The following MAP4 variants were observed in gnomAD, a reference collection of about 807,000 sequenced individuals.
MAP4 encodes microtubule-associated protein 4.
MAP4 carries 76 observed loss-of-function variants against 170.2 expected under a neutral mutation model. The observed-to-expected ratio is 0.45, with a 90% CI of 0.37 to 0.54. MAP4 has a LOEUF of 0.54. MAP4 is among the 20% of genes least tolerant of loss of function. MAP4 has a pLI of 0.00. For synonymous variants in MAP4, 909 were observed against 994.5 expected, an observed-to-expected ratio of 0.91 and a Z score of 1.62; for missense variants, 2,506 against 2,748.0, an observed-to-expected ratio of 0.91 and a Z score of 1.97.
At chr3:47,888,055 A>G (rs1378002272) in intron 10 of MAP4, among the ~76,000 whole-genome samples, 2 of 152,040 alleles carry the variant, frequency 1.3e-5, no homozygotes, top group Admixed American at 6.6e-5. Context: ...GCACCAATCG[A>G]CACTCTGTAT....
intron 4 of MAP4, among the ~76,000 whole-genome samples, chr3:47,927,666 C>T (rs1238208966): frequency 1.3e-5 from 2 of 152,032 alleles, no homozygotes; most frequent in East Asian, 3.9e-4. Context: ...GTAGAGACAG[C>T]GTTTCTCCAT....
intron 3 of MAP4, chr3:47,975,321 T>C (rs2100081329): frequency 3.3e-6 from 5 of 1,530,638 alleles, no homozygotes; most frequent in East Asian, 2.5e-5. Flanking sequence ...CCCGAAGAAC[T>C]ACCCTCAGTT....
At chr3:48,055,634 G>A (rs1156939692) in intron 1 of MAP4, among the ~76,000 whole-genome samples, 1 of 115,858 alleles carries the variant, frequency 8.6e-6, no homozygotes. Context: ...ACCCCGTCTG[G>A]GAAGTGAGGA....
chr3:47,897,619 C>T (rs1016081828), intron 10 of MAP4, among the ~76,000 whole-genome samples: 4 of 152,004 alleles, frequency 2.6e-5, no homozygotes, highest in Admixed American at 6.6e-5. Flanking sequence ...CACTTGGTTT[C>T]GGTGTTTACT....
chr3:47,911,899 G>A lies in MAP4; in HGVS notation c.2522C>T (p.Ala841Val), dbSNP rs1240683277. ...AAAGTTCTCAGCTACCAGTCTGGCT[G>A]CACTGGAGTTAACTAAACATTCCCT... ...LKRECLVNSSAARLVAENFVS... is the reference protein window; with the variant it reads ...LKRECLVNSSVARLVAENFVS... The change falls in exon 9 of 21, where the codon GCA (alanine) becomes GTA (valine). Residue 841 changes from alanine (A) to valine (V), a missense_variant. Ala to Val is a moderately conservative substitution (Grantham distance 64, BLOSUM62 0). This residue lies in a region of MAP4 where 2,008 missense variants were observed against 2,206.0 expected (regional missense o/e 0.91). Coordinates refer to ENST00000683076, the MANE Select transcript of MAP4 (RefSeq NM_001385682.1). This position sits in a 1 kb window ranked among gnomAD's most constrained non-coding sequence, Gnocchi z 4.0. The A allele has an allele frequency of 1.3e-6, 2 of 1,535,950 alleles. No homozygotes were observed. The highest frequency in any genetic ancestry group is 1.4e-5 in the African/African-American group (1 of 73,012).
At chr3:48,075,926 G>C (rs1348503562) in intron 1 of MAP4, among the ~76,000 whole-genome samples, 1 of 134,526 alleles carries the variant, frequency 7.4e-6, no homozygotes, top group Admixed American at 8.5e-5. Flanking sequence ...AGTGAGCCGA[G>C]ATCACGTCAT....
chr3:47,958,018 T>C (rs2100068882), intron 3 of MAP4, among the ~76,000 whole-genome samples: 1 of 152,168 alleles, frequency 6.6e-6, no homozygotes, highest in Admixed American at 6.5e-5. Context: ...TACACAACAA[T>C]GGTTCAATTG....
chr3:48,037,207 C>T (rs964368624), intron 1 of MAP4, among the ~76,000 whole-genome samples: 29 of 152,094 alleles, frequency 1.9e-4, no homozygotes, highest in Non-Finnish European at 1.5e-4. Flanking sequence ...ACAGAACCTC[C>T]CTTTAGCTCT....
At chr3:48,044,004 C>T (rs1030475311) in intron 1 of MAP4, among the ~76,000 whole-genome samples, 1 of 151,892 alleles carries the variant, frequency 6.6e-6, no homozygotes, top group African/African-American at 2.4e-5. Flanking sequence ...TGCCACCACA[C>T]CCAGCTAATG....
chr3:48,032,526 G>A (rs2100116709), intron 1 of MAP4, among the ~76,000 whole-genome samples: 1 of 151,378 alleles, frequency 6.6e-6, no homozygotes, highest in Non-Finnish European at 1.5e-5. Context: ...TTAGCCAGGT[G>A]TGGTGGCAGG....
intron 1 of MAP4, among the ~76,000 whole-genome samples, chr3:48,066,305 C>G (rs990589900): frequency 3.9e-5 from 6 of 152,144 alleles, no homozygotes; most frequent in African/African-American, 1.4e-4. Context: ...AGGAAACTCA[C>G]TATCTTATAA....
At chr3:47,983,054 G>A (rs913527145) in intron 2 of MAP4, among the ~76,000 whole-genome samples, 4 of 152,150 alleles carry the variant, frequency 2.6e-5, no homozygotes, top group South Asian at 4.1e-4. Context: ...ACAGGCGTGC[G>A]CCACCACTCT....
intron 4 of MAP4, among the ~76,000 whole-genome samples, chr3:47,922,305 G>A (rs574423780): frequency 3.9e-5 from 6 of 152,128 alleles, no homozygotes; most frequent in East Asian, 3.9e-4. Flanking sequence ...TAAGTAAACC[G>A]AAATCATATG....
chr3:47,892,586 C>T, intron 10 of MAP4: 10 of 1,432,928 alleles, frequency 7.0e-6, no homozygotes, highest in Non-Finnish European at 9.1e-6. Context: ...ACCAATTCCC[C>T]AGTATTCATG....
intron 15 of MAP4, among the ~76,000 whole-genome samples, 182 bp downstream of exon 15, chr3:47,870,631 G>A (rs2089958492): frequency 6.6e-6 from 1 of 152,204 alleles, no homozygotes; most frequent in Non-Finnish European, 1.5e-5. Context: ...CCAGAGCTCA[G>A]CCTACCCCGC....
chr3:47,969,005 C>A (rs1238723312), intron 3 of MAP4, among the ~76,000 whole-genome samples: 1 of 152,126 alleles, frequency 6.6e-6, no homozygotes, highest in Non-Finnish European at 1.5e-5. Context: ...GAACAAATTT[C>A]TAGAAACATA....
At chr3:47,982,415 G>A (rs1044881175) in intron 2 of MAP4, among the ~76,000 whole-genome samples, 1 of 152,134 alleles carries the variant, frequency 6.6e-6, no homozygotes, top group Non-Finnish European at 1.5e-5. Context: ...AATTTCCAAT[G>A]ATAAAGAACA....
intron 10 of MAP4, among the ~76,000 whole-genome samples, chr3:47,886,392 T>C (rs1294220684): frequency 1.3e-5 from 2 of 152,136 alleles, no homozygotes; most frequent in African/African-American, 4.8e-5. Context: ...CCTTGTCCTT[T>C]TGGGCTCGAG....
intron 3 of MAP4, among the ~76,000 whole-genome samples, chr3:47,946,118 T>G (rs543360007): frequency 6.7e-6 from 1 of 149,046 alleles, no homozygotes; most frequent in Admixed American, 6.7e-5. Flanking sequence ...TTTTTTTTTG[T>G]AGTTTTAGTA....
Sources: allele counts gnomAD v4.1 joint callset (sites outside exome capture counted in the v4.1 genomes callset), GRCh38; gene constraint gnomAD v4.1.1; regional missense constraint gnomAD v4.1.1; non-coding constraint Gnocchi (gnomAD v3.1); transcripts MANE v1.5; gene names NCBI Gene and HGNC (gene_info 2026-07-23, HGNC 2026-07-21).